POLK: variants seen among roughly 807,000 people sequenced by gnomAD.
POLK encodes the protein polymerase (DNA directed) kappa.
POLK carries 76 observed loss-of-function variants against 94.0 expected under a neutral mutation model. That is an observed-to-expected ratio of 0.81 (90% CI 0.67 to 0.98). The LOEUF (loss-of-function observed/expected upper bound fraction) is 0.98, where lower values mean the gene tolerates loss of function less well. Ranked by LOEUF, POLK falls within the 50% of genes least tolerant of loss-of-function variation. The pLI is 0.00. For synonymous variants in POLK, 349 were observed against 325.4 expected (o/e 1.07, Z -0.78); for missense variants, 954 against 1,010.1 (o/e 0.94, Z 0.75).
chr5:75,549,161 T>A (rs1561360320), intron 2 of POLK, among the ~76,000 whole-genome samples: 1 of 152,122 alleles, frequency 6.6e-6, no homozygotes, highest in Non-Finnish European at 1.5e-5. Flanking sequence ...ATTTTCATCA[T>A]AAAAATGTTC....
downstream of POLK, among the ~76,000 whole-genome samples, chr5:75,603,633 AGCTCCTATATATCAC>A (rs1222818955): frequency 5.9e-5 from 9 of 152,262 alleles, no homozygotes; most frequent in African/African-American, 2.2e-4. Context: ...AATACAAGCT[AGCTCCTATATATCAC>A]TGTCCATGAT....
At chr5:75,522,172 G>A (rs183655037) in intron 1 of POLK, among the ~76,000 whole-genome samples, 1 of 152,352 alleles carries the variant, frequency 6.6e-6, no homozygotes, top group African/African-American at 2.4e-5. Context: ...AAGATGGTGG[G>A]GGAAACTGGT....
intron 7 of POLK, chr5:75,581,774 G>T: frequency 4.7e-6 from 1 of 213,646 alleles, no homozygotes; most frequent in South Asian, 7.0e-5. Flanking sequence ...CTGCCTCCTG[G>T]GTTCAAGCGA....
exon 8 of POLK, chr5:75,583,414 A>G: frequency 2.5e-6 from 4 of 1,592,946 alleles, no homozygotes; most frequent in Non-Finnish European, 3.4e-6. Flanking sequence ...TACCCATTAG[A>G]AAGGTAAGAT....
chr5:75,515,849 G>C (rs1316362792), intron 1 of POLK, among the ~76,000 whole-genome samples: 2 of 152,188 alleles, frequency 1.3e-5, no homozygotes, highest in African/African-American at 4.8e-5. Context: ...AGCTGCTCAG[G>C]AGTTTAAAAC....
chr5:75,512,577 TAGG>T (rs1223964191), intron 1 of POLK: 1 of 152,174 alleles, frequency 6.6e-6, no homozygotes, highest in Non-Finnish European at 1.5e-5. Flanking sequence ...GATTAGGCAA[TAGG>T]AGGCTATTTT....
chr5:75,574,770 T>C (rs1452592839), intron 5 of POLK, among the ~76,000 whole-genome samples: 1 of 152,194 alleles, frequency 6.6e-6, no homozygotes, highest in African/African-American at 2.4e-5. Flanking sequence ...CAAGTGCTTT[T>C]TGCATACCTC....
downstream of POLK, among the ~76,000 whole-genome samples, chr5:75,604,615 A>G (rs1244711157): frequency 6.6e-6 from 1 of 152,134 alleles, no homozygotes; most frequent in East Asian, 1.9e-4. Context: ...GGCTTCAAGC[A>G]TTCCTCCTTC....
At chr5:75,530,810 CTTTT>C (rs1166307868) in intron 1 of POLK, among the ~76,000 whole-genome samples, 1 of 133,814 alleles carries the variant, frequency 7.5e-6, no homozygotes, top group Non-Finnish European at 1.6e-5. Context: ...CTTTTCTTTT[CTTTT>C]TTTTTTTTTT....
At chr5:75,511,803 G>A (rs570834305) in exon 1 of POLK, 14 of 1,551,516 alleles carry the variant, frequency 9.0e-6, no homozygotes, top group Middle Eastern at 1.7e-4. Flanking sequence ...CAGGAGGAGC[G>A]GAGAAAGGAG....
At chr5:75,598,167 C>T (rs1196301738) in exon 15 of POLK, 1 of 416,000 alleles carries the variant, frequency 2.4e-6, no homozygotes, top group Non-Finnish European at 4.3e-6. Context: ...TTCTAAGATA[C>T]ATATACTGAT....
At chr5:75,538,828 C>T (rs185458401) in intron 1 of POLK, among the ~76,000 whole-genome samples, 405 of 151,898 alleles carry the variant, frequency 2.7e-3, no homozygotes, top group Non-Finnish European at 3.9e-3. Flanking sequence ...TGGAATGTAG[C>T]GGCGCGACAT....
chr5:75,594,889 G>T (rs1383948311), intron 12 of POLK, among the ~76,000 whole-genome samples: 1 of 152,106 alleles, frequency 6.6e-6, no homozygotes, highest in Non-Finnish European at 1.5e-5. Flanking sequence ...GTAAGGAGTG[G>T]GTCACTAGCC....
chr5:75,590,459 G>T lies in POLK; in HGVS notation c.1356+19G>T. 1.4e-6 allele frequency: 2 copies of T among 1,432,376 alleles called. No individual in the cohort carries two copies. Among genetic ancestry groups the T allele is most frequent in the Non-Finnish European group, 2.0e-6 (2 of 1,017,078 alleles). 88.7% of individuals were successfully genotyped at this position (1,432,376 alleles called of 1,614,324 possible). ...ACTTAAGGTGCTTTATTTTGATATG[G>T]TGTCCTTAGTTTTTAAGTTTTTTAA... On this transcript the variant is annotated intron_variant, in intron 11 of 14. Transcript: ENST00000241436.
intron 1 of POLK, among the ~76,000 whole-genome samples, chr5:75,544,784 T>G (rs1466533171): frequency 1.3e-5 from 2 of 152,228 alleles, no homozygotes. Context: ...AAATTATGAC[T>G]GAATTACATT....
the POLK span, among the ~76,000 whole-genome samples, chr5:75,606,771 A>G: frequency 6.6e-6 from 1 of 152,082 alleles, no homozygotes; most frequent in African/African-American, 2.4e-5. Flanking sequence ...TAACAATCTG[A>G]TCTCTCTTGC....
At chr5:75,604,959 T>G (rs1773383900), downstream of POLK, among the ~76,000 whole-genome samples, 1 of 152,192 alleles carries the variant, frequency 6.6e-6, no homozygotes, top group Non-Finnish European at 1.5e-5. Context: ...ACTGTTCCCC[T>G]TACCAGTACG....
chr5:75,608,630 G>T, the POLK span, among the ~76,000 whole-genome samples: 1 of 152,232 alleles, frequency 6.6e-6, no homozygotes, highest in Admixed American at 6.5e-5. Flanking sequence ...GAACATGAAG[G>T]TAGGGGACAC....
intron 4 of POLK, among the ~76,000 whole-genome samples, chr5:75,571,241 A>G (rs1275828507): frequency 1.3e-5 from 2 of 152,192 alleles, no homozygotes; most frequent in Non-Finnish European, 2.9e-5. Context: ...TTTTTGTCCT[A>G]TTAAACATAT....
Sources: gnomAD v4.1 joint callset for allele counts (sites outside exome capture counted in the v4.1 genomes callset) on GRCh38, gnomAD v4.1.1 for gene constraint, MANE v1.5 for transcripts, NCBI Gene and HGNC (gene_info 2026-07-23, HGNC 2026-07-21) for gene names.